Variants in CDH23 observed in about 807,000 individuals in gnomAD.
CDH23 encodes the protein cadherin related 23, also known as cadherin-23.
Under a neutral mutation model 317.1 loss-of-function variants are expected in CDH23, and 189 were observed. The observed-to-expected ratio is 0.60, with a 90% CI of 0.53 to 0.67. The LOEUF (loss-of-function observed/expected upper bound fraction) is 0.67, where lower values mean the gene tolerates loss of function less well. CDH23 is among the 30% of genes least tolerant of loss of function. CDH23 has a pLI of 0.00. For synonymous variants in CDH23, 1,839 were observed against 1,876.8 expected (o/e 0.98, Z 0.52); for missense variants, 4,401 against 4,592.4 (o/e 0.96, Z 1.20).
intron 36 of CDH23, 61 bp from the exon 37 acceptor site, chr10:71,740,761 C>T (rs1839711352): frequency 1.6e-5 from 25 of 1,606,868 alleles, no homozygotes; most frequent in African/African-American, 2.7e-5. Flanking sequence ...TTTTGGACTC[C>T]ATATTCCCAA....
chr10:71,627,306 G>A (rs932621522), intron 11 of CDH23, among the ~76,000 whole-genome samples: 2 of 152,192 alleles, frequency 1.3e-5, no homozygotes, highest in Non-Finnish European at 2.9e-5. Flanking sequence ...TAGAGGGAGC[G>A]GACAGCCCAG....
intron 32 of CDH23, among the ~76,000 whole-genome samples, chr10:71,733,389 T>C (rs936985472): frequency 1.3e-5 from 2 of 152,152 alleles, no homozygotes; most frequent in Non-Finnish European, 2.9e-5. Flanking sequence ...TAACTGAATC[T>C]CCAGCCTCTG....
chr10:71,477,624 G>A (rs1260780427), intron 3 of CDH23, among the ~76,000 whole-genome samples: 1 of 152,180 alleles, frequency 6.6e-6, no homozygotes, highest in Non-Finnish European at 1.5e-5. Flanking sequence ...CCTGTATCCT[G>A]AGAGCACTGA....
In CDH23 at chr10:71,803,455, A is replaced by G. The variant is rs373524762; in HGVS notation, c.7872+35A>G. 1.4e-4 allele frequency: 217 copies of G among 1,534,178 alleles called. No homozygotes were observed. The African/African-American group carries it at 2.8e-3, about 20-fold the overall frequency. On this transcript the variant is annotated intron_variant, in intron 55 of 69. Transcript: ENST00000224721. ...CCCCGAGGGCCTCCTGCCCACCAGT[A>G]TTTCCTTCTTCCAGCTGTGGCCTAG...
At chr10:71,660,962 C>G (rs116767468) in intron 14 of CDH23, among the ~76,000 whole-genome samples, 1 of 152,166 alleles carries the variant, frequency 6.6e-6, no homozygotes, top group African/African-American at 2.4e-5. Flanking sequence ...CGTGTGTTAT[C>G]GAAGCCTCAT....
At chr10:71,712,581 G>C in intron 27 of CDH23, 84 bp from the exon 28 acceptor site, 1 of 1,519,714 alleles carries the variant, frequency 6.6e-7, no homozygotes, top group South Asian at 1.2e-5. Flanking sequence ...CTCTCTGGCC[G>C]GTGCCCGGGA....
intron 1 of CDH23, among the ~76,000 whole-genome samples, chr10:71,432,345 G>GTA (rs1331896441): frequency 1.3e-5 from 2 of 149,268 alleles, no homozygotes; most frequent in African/African-American, 4.9e-5. Flanking sequence ...TGTGTGCGGT[G>GTA]TGTGAGTGTG....
intron 28 of CDH23, chr10:71,713,395 G>A: frequency 2.9e-6 from 2 of 686,630 alleles, no homozygotes; most frequent in Non-Finnish European, 5.3e-6. Context: ...CGGAGTGAAT[G>A]AGTCTCTTTA....
chr10:71,646,654 C>A (rs377174522), intron 14 of CDH23, 37 bp downstream of exon 14: 117 of 1,613,872 alleles, frequency 7.2e-5, no homozygotes, highest in Non-Finnish European at 9.4e-5. Context: ...ACTGAGCTCT[C>A]CAGGGCCGAC....
Position 71,809,843 on chromosome 10 carries a change from A to C in CDH23, c.8746A>C (p.Thr2916Pro), listed in dbSNP as rs777205581. Residue 2916 changes from threonine to proline, a missense_variant, in exon 61 of 70, where the codon ACC becomes CCC. By Grantham distance (38) the Thr-to-Pro change is conservative. Transcript: ENST00000224721. ...TMGSMDGILR[T>P]FDLFMAYSPG... ...AGGGAGCATGGACGGCATTCTGCGCACCTTCGACCTCTTCATGGCCTACAG... is the reference window on the plus strand; with the variant it reads ...AGGGAGCATGGACGGCATTCTGCGCCCCTTCGACCTCTTCATGGCCTACAG... 1 of 1,612,618 alleles carries C rather than the reference A, an allele frequency of 6.2e-7. No individual in the cohort carries two copies. The highest frequency in any genetic ancestry group is 1.1e-5 in the South Asian group (1 of 91,066).
chr10:71,621,774 ACT>A (rs1192591311), intron 11 of CDH23, among the ~76,000 whole-genome samples: 1 of 152,224 alleles, frequency 6.6e-6, no homozygotes, highest in Non-Finnish European at 1.5e-5. Context: ...TCAGTCTCTC[ACT>A]GAGTCTCAGA....
intron 1 of CDH23, among the ~76,000 whole-genome samples, chr10:71,430,544 C>A (rs558738764): frequency 3.3e-4 from 51 of 152,334 alleles, no homozygotes; most frequent in Admixed American, 7.2e-4. Context: ...CACAGTGGCT[C>A]ACGCCTGTAA....
At chr10:71,598,653 A>G (rs1860021013) in intron 9 of CDH23, among the ~76,000 whole-genome samples, 1 of 152,252 alleles carries the variant, frequency 6.6e-6, no homozygotes, top group Non-Finnish European at 1.5e-5. Context: ...CCAGTGGGAA[A>G]GACCCAAAAG....
chr10:71,449,103 C>T (rs1293789966), intron 3 of CDH23, among the ~76,000 whole-genome samples: 1 of 152,184 alleles, frequency 6.6e-6, no homozygotes, highest in Non-Finnish European at 1.5e-5. Context: ...GCTTCCAACC[C>T]AGGAATGTTT....
intron 1 of CDH23, among the ~76,000 whole-genome samples, chr10:71,413,093 A>C (rs986318063): frequency 3.3e-5 from 5 of 152,170 alleles, no homozygotes; most frequent in Non-Finnish European, 7.3e-5. Context: ...TTTTCATCTA[A>C]GAAGTTTATA....
chr10:71,617,177 C>T, intron 10 of CDH23, 28 bp from the exon 11 acceptor site: 1 of 1,600,122 alleles, frequency 6.2e-7, no homozygotes, highest in Non-Finnish European at 8.5e-7. Context: ...GCTGCCTTCA[C>T]TCCGGGGTGA....
chr10:71,741,704 G>A lies in CDH23; in HGVS notation c.4628G>A (p.Gly1543Glu). Residue 1543 changes from glycine (G) to glutamate (E), a missense_variant, in exon 38 of 70, where the codon GGA becomes GAA. Gly to Glu is a moderately conservative substitution (Grantham distance 98, BLOSUM62 -2). Around this residue, in one of 3 missense-constraint regions of CDH23, gnomAD observed 3,068 missense variants for 3,203.3 expected, o/e 0.96. Transcript: ENST00000224721. Reference sequence around the variant, plus strand: ...CTGCTCTCCTCCCAGAACGTGGGTGGAGGTACTGCTGTGGTCCAGGTGAGA... The same window carrying A: ...CTGCTCTCCTCCCAGAACGTGGGTGAAGGTACTGCTGTGGTCCAGGTGAGA... ...YNVSVNENVG[G>E]GTAVVQVRAT... The A allele has an allele frequency of 6.2e-7, 1 of 1,608,926 alleles. No individual in the cohort carries two copies.
chr10:71,793,107 C>T (rs968098471), intron 47 of CDH23, 75 bp from the exon 48 acceptor site: 10 of 1,171,968 alleles, frequency 8.5e-6, no homozygotes, highest in Non-Finnish European at 1.2e-5. Context: ...GAGAAGATCA[C>T]CAACAAATGT....
intron 14 of CDH23, among the ~76,000 whole-genome samples, chr10:71,656,499 C>T (rs1863422686): frequency 6.6e-6 from 1 of 152,354 alleles, no homozygotes; most frequent in South Asian, 2.1e-4. Flanking sequence ...CAGACAACTT[C>T]CCTGTCTGTT....
Sources: gnomAD v4.1 joint callset for allele counts (sites outside exome capture counted in the v4.1 genomes callset) on GRCh38, gnomAD v4.1.1 for gene constraint, gnomAD v4.1.1 regional missense constraint, MANE v1.5 for transcripts, NCBI Gene and HGNC (gene_info 2026-07-23, HGNC 2026-07-21) for gene names.